The following LHFPL6 variants were observed in gnomAD, a reference collection of about 807,000 sequenced individuals.
The protein encoded by LHFPL6 is LHFPL tetraspan subfamily member 6.
In LHFPL6, 9 loss-of-function variants were observed where a neutral mutation model predicts 20.6. That is an observed-to-expected ratio of 0.44 (90% CI 0.26 to 0.76). The LOEUF (loss-of-function observed/expected upper bound fraction) is 0.76, where lower values mean the gene tolerates loss of function less well. LHFPL6 is among the 30% of genes least tolerant of loss of function. The probability of loss-of-function intolerance (pLI) is 0.20; values close to 1 mark genes in which losing one functional copy is unlikely to be tolerated. For missense variants in LHFPL6, 218 were observed against 253.5 expected (o/e 0.86, Z 0.95); for synonymous variants, 105 against 98.7 (o/e 1.06, Z -0.38).
intron 2 of LHFPL6, among the ~76,000 whole-genome samples, chr13:39,444,616 GCTGAGGTGTGGCTTCACCTGCCACTCCA>G (rs1392345580): frequency 6.6e-6 from 1 of 152,172 alleles, no homozygotes; most frequent in Non-Finnish European, 1.5e-5. Context: ...GTTCAAGTGA[GCTGAGGTGTGGCTTCACCTGCCACTCCA>G]CAGGGTACAA....
chr13:39,462,678 CA>C (rs79832946), intron 2 of LHFPL6, among the ~76,000 whole-genome samples: 23,831 of 152,086 alleles, frequency 0.16, 3,471 homozygotes, highest in East Asian at 0.51. Flanking sequence ...CTCTGTTTTA[CA>C]GATAAGAAAA....
At chr13:39,584,525 C>CA (rs35746128) in intron 2 of LHFPL6, among the ~76,000 whole-genome samples, 3,644 of 58,306 alleles carry the variant, frequency 0.062, 140 homozygotes, top group African/African-American at 0.13. Flanking sequence ...AACTCTGTCT[C>CA]AAAAAAAAAA....
intron 2 of LHFPL6, among the ~76,000 whole-genome samples, chr13:39,598,217 A>G (rs1039847308): frequency 3.3e-5 from 5 of 152,238 alleles, no homozygotes; most frequent in Admixed American, 1.3e-4. Context: ...TACTTACTGC[A>G]TAAGTTTTTG....
Position 39,343,928 on chromosome 13 carries a change from G to C in LHFPL6, c.*8C>G, listed in dbSNP as rs1869320874. The C allele has an allele frequency of 6.2e-7, 1 of 1,609,024 alleles. No homozygotes were observed. Among genetic ancestry groups the C allele is most frequent in the Non-Finnish European group, 8.5e-7 (1 of 1,175,918 alleles). Reference sequence around the variant, plus strand: ...TCTTCTCCTCTGTCTGCTCTTGGTAGCTCCATCTCAGTATGGGTAGTGCTT... The same window carrying C: ...TCTTCTCCTCTGTCTGCTCTTGGTACCTCCATCTCAGTATGGGTAGTGCTT... On this transcript the variant is annotated 3_prime_UTR_variant, in exon 4 of 4. Transcript: ENST00000379589.
chr13:39,531,459 A>G (rs1870462775), intron 2 of LHFPL6, among the ~76,000 whole-genome samples: 1 of 152,328 alleles, frequency 6.6e-6, no homozygotes, highest in African/African-American at 2.4e-5. Flanking sequence ...ATTTTAAATT[A>G]ACAAAATGTA....
chr13:39,414,965 G>T (rs945012974), intron 2 of LHFPL6, among the ~76,000 whole-genome samples: 2 of 152,128 alleles, frequency 1.3e-5, no homozygotes, highest in African/African-American at 4.8e-5. Flanking sequence ...AATTACTGGG[G>T]GTGGACATGG....
In LHFPL6 at chr13:39,514,738, C is replaced by T. The variant is rs570010218; in HGVS notation, c.385+86094G>A. 7.2e-5 allele frequency among the ~76,000 whole-genome samples: 11 copies of T among 152,320 alleles called. No individual in the cohort carries two copies. In the South Asian group the frequency reaches 1.9e-3, roughly 26 times the overall value. On this transcript the variant is annotated intron_variant, in intron 2 of 3. Transcript: ENST00000379589. The stretch of plus-strand genomic sequence containing the variant: ...AAGGGAAGCAAAACACTGAATTCAA[C>T]GTGAATGCATTTCTGCACTTACATA...
intron 2 of LHFPL6, among the ~76,000 whole-genome samples, chr13:39,399,699 T>G (rs1009394223): frequency 1.3e-5 from 2 of 152,220 alleles, no homozygotes; most frequent in African/African-American, 4.8e-5. Flanking sequence ...TATTGCCTCT[T>G]ACATTTGTGG....
At chr13:39,538,330 T>C (rs989903409) in intron 2 of LHFPL6, among the ~76,000 whole-genome samples, 1 of 151,262 alleles carries the variant, frequency 6.6e-6, no homozygotes, top group Non-Finnish European at 1.5e-5. Context: ...ACTAAGCTAA[T>C]GGTCAAATTT....
chr13:39,550,174 A>T (rs1191431290), intron 2 of LHFPL6, among the ~76,000 whole-genome samples: 1 of 152,180 alleles, frequency 6.6e-6, no homozygotes, highest in Non-Finnish European at 1.5e-5. Context: ...AAAAAGTTAC[A>T]TATTGCATGA....
chr13:39,562,383 CATAT>C (rs879789940), intron 2 of LHFPL6, among the ~76,000 whole-genome samples: 6 of 125,680 alleles, frequency 4.8e-5, no homozygotes, highest in South Asian at 2.6e-4. Context: ...TACATATATA[CATAT>C]ACATATATAT....
rs72230053 is a variant in LHFPL6, at chr13:39,562,423, C to CAT, written c.385+38407_385+38408dup. 9.3e-4 allele frequency among the ~76,000 whole-genome samples: 45 copies of CAT among 48,446 alleles called. 1 individual carries two copies. Among genetic ancestry groups the CAT allele is most frequent in the East Asian group, 3.9e-3 (5 of 1,288 alleles). 31.8% of individuals were successfully genotyped at this position (48,446 alleles called of 152,430 possible). On this transcript the variant is annotated intron_variant, in intron 2 of 3. Transcript: ENST00000379589. ...ACATATATACACATATACACATATACATATATACATATATACATATATACA... is the reference window on the plus strand; with the variant it reads ...ACATATATACACATATACACATATACATATATATACATATATACATATATACA...
chr13:39,591,581 A>G (rs1267592515), intron 2 of LHFPL6, among the ~76,000 whole-genome samples: 1 of 152,172 alleles, frequency 6.6e-6, no homozygotes, highest in Admixed American at 6.5e-5. Context: ...TCTACATGCC[A>G]ATACTAGTAC....
At chr13:39,346,625 C>T (rs957397375) in intron 3 of LHFPL6, among the ~76,000 whole-genome samples, 7 of 152,054 alleles carry the variant, frequency 4.6e-5, no homozygotes, top group African/African-American at 1.2e-4. Flanking sequence ...CTCAAACGCC[C>T]GATCATCCCC....
At position 39,601,185 on chromosome 13, in the gene LHFPL6, A is replaced by G. The variant is rs1266757343; in HGVS notation, c.32T>C (p.Ile11Thr). Residue 11 changes from isoleucine to threonine, a missense_variant, in exon 2 of 4, where the codon ATC becomes ACC. Ile to Thr is a moderately conservative substitution (Grantham distance 89, BLOSUM62 -1). Coordinates refer to ENST00000379589, the MANE Select transcript of LHFPL6 (RefSeq NM_005780.3). MASSLTCTGV[I>T]WALLSFLCAA... is the part of the protein sequence containing the mutation. ...ACAAAGAAAAGACAGCAAAGCCCAGATTACTCCAGTACAAGTCAGGCTGGA... is the reference window on the plus strand; with the variant it reads ...ACAAAGAAAAGACAGCAAAGCCCAGGTTACTCCAGTACAAGTCAGGCTGGA... 1 of 1,613,662 alleles carries G rather than the reference A, an allele frequency of 6.2e-7. No individual in the cohort carries two copies. The highest frequency in any genetic ancestry group is 2.2e-5 in the East Asian group (1 of 44,880).
Position 39,387,277 on chromosome 13 carries a change from G to A in LHFPL6, c.386-8751C>T, listed in dbSNP as rs181339714. On this transcript the variant is annotated intron_variant, in intron 2 of 3. Transcript: ENST00000379589. ...GTTATAGAATATATCAGCTGGGCAC[G>A]GTGGCTCACGCCTGTAATCCCAGCA... 4.1e-3 allele frequency among the ~76,000 whole-genome samples: 630 copies of A among 152,168 alleles called. 1 individual carries two copies. The highest frequency in any genetic ancestry group is 0.014 in the Middle Eastern group (4 of 294).
At chr13:39,411,357 C>A (rs1871238199) in intron 2 of LHFPL6, among the ~76,000 whole-genome samples, 1 of 152,148 alleles carries the variant, frequency 6.6e-6, no homozygotes, top group Non-Finnish European at 1.5e-5. Context: ...TGGATAGAAT[C>A]TAAAGACATT....
At chr13:39,457,114 T>C (rs1027574076) in intron 2 of LHFPL6, among the ~76,000 whole-genome samples, 1 of 152,164 alleles carries the variant, frequency 6.6e-6, no homozygotes, top group Non-Finnish European at 1.5e-5. Flanking sequence ...TAGACAAAGA[T>C]TTCTTAAGCA....
intron 2 of LHFPL6, among the ~76,000 whole-genome samples, chr13:39,441,666 C>T (rs1301544446): frequency 1.3e-5 from 2 of 151,848 alleles, no homozygotes; most frequent in African/African-American, 4.8e-5. Flanking sequence ...GCACATGCCA[C>T]CATGCCCAGC....
Sources: gnomAD v4.1 joint callset for allele counts (sites outside exome capture counted in the v4.1 genomes callset) on GRCh38, gnomAD v4.1.1 for gene constraint, MANE v1.5 for transcripts, NCBI Gene and HGNC (gene_info 2026-07-23, HGNC 2026-07-21) for gene names.